Variants in CRY2 observed in about 807,000 individuals in gnomAD.
CRY2 encodes cryptochrome circadian regulator 2.
Under a neutral mutation model 69.5 loss-of-function variants are expected in CRY2, and 31 were observed. The observed-to-expected ratio is 0.45, with a 90% CI of 0.34 to 0.60. The LOEUF (loss-of-function observed/expected upper bound fraction) is 0.60, where lower values mean the gene tolerates loss of function less well. Among genes scored for constraint, CRY2 ranks in the 20% least tolerant of loss-of-function variants. The pLI is 0.02. For missense variants in CRY2, 606 were observed against 797.8 expected, an observed-to-expected ratio of 0.76 and a Z score of 2.90; for synonymous variants, 303 against 312.2, an observed-to-expected ratio of 0.97 and a Z score of 0.31.
In CRY2 at chr11:45,874,235, G is replaced by A. The variant is rs547965973; in HGVS notation, c.*2+2002G>A. Among the ~76,000 whole-genome samples the A allele has an allele frequency of 8.5e-5, 13 of 152,062 alleles. No homozygotes were observed. The South Asian group carries it at 1.5e-3, about 17-fold the overall frequency. On this transcript the variant is annotated intron_variant, in intron 11 of 11. Coordinates refer to ENST00000616080, the MANE Select transcript of CRY2 (RefSeq NM_021117.5). ...GCAGAGGTTGCAGTGAGCCGAGATC[G>A]TGCCATTGCACTCCAGCCTGGGTGA...
At chr11:45,851,778 A>G (rs1471817899) in intron 1 of CRY2, among the ~76,000 whole-genome samples, 1 of 152,234 alleles carries the variant, frequency 6.6e-6, no homozygotes, top group African/African-American at 2.4e-5. Flanking sequence ...TTACTTAGGA[A>G]AAATTAATTT....
At chr11:45,847,961 A>G (rs923346082) in intron 1 of CRY2, among the ~76,000 whole-genome samples, 1 of 152,222 alleles carries the variant, frequency 6.6e-6, no homozygotes, top group Admixed American at 6.5e-5. Context: ...CCCGTTGTAC[A>G]GATGAGACCC....
intron 1 of CRY2, among the ~76,000 whole-genome samples, chr11:45,854,860 A>G (rs1173086575): frequency 6.6e-6 from 1 of 152,214 alleles, no homozygotes; most frequent in Non-Finnish European, 1.5e-5. Context: ...GGATGGTACT[A>G]TTTCCTTCAA....
chr11:45,875,976 C>T (rs1263219038), intron 11 of CRY2, among the ~76,000 whole-genome samples: 1 of 152,188 alleles, frequency 6.6e-6, no homozygotes, highest in Non-Finnish European at 1.5e-5. Flanking sequence ...CAGTCAGAGC[C>T]AGCACCCTAA....
intron 5 of CRY2, among the ~76,000 whole-genome samples, chr11:45,865,585 C>T (rs1326606660): frequency 6.6e-6 from 1 of 152,090 alleles, no homozygotes; most frequent in Non-Finnish European, 1.5e-5. Context: ...TCTCAGTTAA[C>T]CAGGTGAAGG....
intron 1 of CRY2, among the ~76,000 whole-genome samples, chr11:45,855,522 A>G (rs895343164): frequency 3.3e-5 from 5 of 152,240 alleles, no homozygotes; most frequent in South Asian, 4.1e-4. Context: ...CATGCTGGGC[A>G]GATACTTATA....
intron 1 of CRY2, among the ~76,000 whole-genome samples, chr11:45,853,767 A>T (rs772514373): frequency 1.3e-5 from 2 of 152,240 alleles, no homozygotes; most frequent in African/African-American, 2.4e-5. Flanking sequence ...TTTTCCTTCC[A>T]GAAGAGTGGT....
At chr11:45,866,911 C>T (rs540096412) in intron 5 of CRY2, among the ~76,000 whole-genome samples, 7 of 152,042 alleles carry the variant, frequency 4.6e-5, no homozygotes, top group African/African-American at 1.4e-4. Flanking sequence ...GCCGAGATCA[C>T]GCCACTGCAC....
chr11:45,867,100 A>T (rs1310374869), intron 5 of CRY2, among the ~76,000 whole-genome samples: 2 of 152,198 alleles, frequency 1.3e-5, no homozygotes, highest in Non-Finnish European at 2.9e-5. Flanking sequence ...GAAATGAATG[A>T]TTCCATTGGT....
At chr11:45,853,414 G>C (rs1477005433) in intron 1 of CRY2, among the ~76,000 whole-genome samples, 1 of 152,134 alleles carries the variant, frequency 6.6e-6, no homozygotes, top group African/African-American at 2.4e-5. Flanking sequence ...GGCTCTCATA[G>C]GATTAGCTGT....
intron 1 of CRY2, among the ~76,000 whole-genome samples, 175 bp downstream of exon 1, chr11:45,847,880 C>G (rs781293469): frequency 1.1e-4 from 17 of 152,194 alleles, no homozygotes; most frequent in Non-Finnish European, 2.4e-4. Context: ...AGGGTTCAGC[C>G]TCTGACAAAG....
chr11:45,860,168 G>C (rs555891403), intron 3 of CRY2, among the ~76,000 whole-genome samples: 1 of 152,246 alleles, frequency 6.6e-6, no homozygotes, highest in South Asian at 2.1e-4. Context: ...CTTCTTGCAT[G>C]AGTGCAGTTA....
chr11:45,855,833 C>T (rs1590762527), intron 1 of CRY2, 149 bp from the exon 2 acceptor site: 1 of 721,400 alleles, frequency 1.4e-6, no homozygotes, highest in Non-Finnish European at 2.5e-6. Context: ...CCACATCCCT[C>T]CTGGGCTGGA....
rs1472927705 is a variant in CRY2, at chr11:45,883,042, A to C, written c.*2131A>C. On this transcript the variant is annotated 3_prime_UTR_variant, in exon 12 of 12. Coordinates refer to ENST00000616080, the MANE Select transcript of CRY2 (RefSeq NM_021117.5). Reference sequence around the variant, plus strand: ...TAGCCTGGAGCTCCATGGTGGCTTCATGCCTCCCTTCTCCCAGCTCAGGTG... The same window carrying C: ...TAGCCTGGAGCTCCATGGTGGCTTCCTGCCTCCCTTCTCCCAGCTCAGGTG... 1 of 261,620 alleles carries C rather than the reference A, an allele frequency of 3.8e-6. No individual in the cohort carries two copies. The highest frequency in any genetic ancestry group is 5.5e-5 in the Admixed American group (1 of 18,310). The allele number at this position is 261,620 out of a possible 1,614,324, so 16.2% of individuals were successfully genotyped here.
At chr11:45,879,818 C>T (rs1404938278) in intron 11 of CRY2, among the ~76,000 whole-genome samples, 1 of 152,204 alleles carries the variant, frequency 6.6e-6, no homozygotes, top group Non-Finnish European at 1.5e-5. Context: ...GGCTGGAAGT[C>T]TAAGATCAAA....
intron 5 of CRY2, among the ~76,000 whole-genome samples, chr11:45,863,399 C>G (rs2086303751): frequency 6.6e-6 from 1 of 151,972 alleles, no homozygotes; most frequent in Non-Finnish European, 1.5e-5. Context: ...AGCTCCTTTT[C>G]CACATACCCC....
intron 1 of CRY2, among the ~76,000 whole-genome samples, chr11:45,851,963 G>C (rs2086202061): frequency 6.6e-6 from 1 of 152,042 alleles, no homozygotes; most frequent in African/African-American, 2.4e-5. Flanking sequence ...CTCAACACAG[G>C]ATCAGCCATT....
At chr11:45,859,542 A>G (rs1337522616) in intron 3 of CRY2, among the ~76,000 whole-genome samples, 1 of 139,532 alleles carries the variant, frequency 7.2e-6, no homozygotes, top group Non-Finnish European at 1.6e-5. Flanking sequence ...AGCCTGGGTG[A>G]CAGAGCAAGA....
chr11:45,850,706 G>A (rs1482448164), intron 1 of CRY2, among the ~76,000 whole-genome samples: 3 of 152,104 alleles, frequency 2.0e-5, no homozygotes, highest in African/African-American at 7.2e-5. Context: ...TTGTGCTGCA[G>A]CATAATGTCC....
Sources: gnomAD v4.1 joint callset for allele counts (sites outside exome capture counted in the v4.1 genomes callset) on GRCh38, gnomAD v4.1.1 for gene constraint, MANE v1.5 for transcripts, NCBI Gene and HGNC (gene_info 2026-07-23, HGNC 2026-07-21) for gene names.